Variants in UPF2 observed in about 807,000 individuals in gnomAD.
UPF2 encodes the protein regulator of nonsense transcripts 2.
Under a neutral mutation model 141.4 loss-of-function variants are expected in UPF2, and 17 were observed. The observed-to-expected ratio is 0.12, with a 90% CI of 0.08 to 0.18. The LOEUF (loss-of-function observed/expected upper bound fraction) is 0.18, where lower values mean the gene tolerates loss of function less well. UPF2 is among the 10% of genes least tolerant of loss of function. The probability of loss-of-function intolerance (pLI) is 1.00; values close to 1 mark genes in which losing one functional copy is unlikely to be tolerated. For synonymous variants in UPF2, 540 were observed against 498.0 expected (o/e 1.08, Z -1.12); for missense variants, 1,152 against 1,515.9 (o/e 0.76, Z 3.99).
intron 18 of UPF2, among the ~76,000 whole-genome samples, chr10:11,938,861 T>TTTTTTTTTTTTTTTTG (rs1832893623): frequency 1.4e-5 from 1 of 73,000 alleles, no homozygotes; most frequent in African/African-American, 5.6e-5. Context: ...TTGTTTTTTT[T>TTTTTTTTTTTTTTTTG]TTTTTTTTTT....
Position 11,963,950 on chromosome 10 carries a change from C to G in UPF2, c.2184+59G>C, listed in dbSNP as rs753226912. 108 of 1,252,260 alleles carry G rather than the reference C, an allele frequency of 8.6e-5. 1 individual carries two copies. The East Asian group carries it at 2.0e-3, about 24-fold the overall frequency. The allele number at this position is 1,252,260 out of a possible 1,614,324, so 77.6% of individuals were successfully genotyped here. A position where few individuals can be genotyped will look rare whatever the true frequency, so the allele number is the denominator to read the frequency against. The stretch of plus-strand genomic sequence containing the variant: ...ACCAGCACTGGTCAATATTTTCAAC[C>G]TCTGAAGCACAGGTAAATCAAGAAC... On this transcript the variant is annotated intron_variant, in intron 11 of 21. Coordinates refer to ENST00000357604, the MANE Select transcript of UPF2 (RefSeq NM_015542.4).
At chr10:11,934,801 G>C (rs977450214) in intron 19 of UPF2, among the ~76,000 whole-genome samples, 1 of 152,094 alleles carries the variant, frequency 6.6e-6, no homozygotes, top group Non-Finnish European at 1.5e-5. Flanking sequence ...TGTTGGTCAG[G>C]CTGGTCTTGA....
intron 9 of UPF2, among the ~76,000 whole-genome samples, chr10:11,970,921 G>A (rs1221773324): frequency 6.6e-6 from 1 of 151,974 alleles, no homozygotes; most frequent in Non-Finnish European, 1.5e-5. Context: ...CTCCTTGGAT[G>A]ACGTTGGATG....
chr10:11,942,543 A>T, intron 18 of UPF2, 122 bp downstream of exon 18: 1 of 792,322 alleles, frequency 1.3e-6, no homozygotes, highest in Non-Finnish European at 2.0e-6. Context: ...TCTACACATG[A>T]TCTAGCAAAA....
At chr10:11,964,274 G>T in intron 10 of UPF2, 149 bp from the exon 11 acceptor site, 1 of 455,084 alleles carries the variant, frequency 2.2e-6, no homozygotes, top group South Asian at 5.3e-5. Flanking sequence ...CATCTTTTGT[G>T]TTCTGCCATT....
intron 9 of UPF2, among the ~76,000 whole-genome samples, chr10:11,971,411 T>A (rs1239553670): frequency 6.6e-6 from 1 of 152,148 alleles, no homozygotes; most frequent in East Asian, 1.9e-4. Flanking sequence ...TACGCCACCA[T>A]GCCTGGCTAA....
intron 4 of UPF2, among the ~76,000 whole-genome samples, chr10:12,008,684 T>C (rs1380997440): frequency 6.7e-6 from 1 of 148,430 alleles, no homozygotes; most frequent in Non-Finnish European, 1.5e-5. Flanking sequence ...TAGTGGCATG[T>C]AAATTTTTTT....
rs373474339 is a variant in UPF2, at chr10:11,979,113, T to C, written c.1897A>G (p.Met633Val). 6.8e-6 allele frequency: 11 copies of C among 1,613,522 alleles called. No homozygotes were observed. The highest frequency in any genetic ancestry group is 4.2e-6 in the Non-Finnish European group (5 of 1,179,736). The change falls in exon 9 of 22, where the codon ATG (methionine) becomes GTG (valine). Residue 633 changes from methionine (M) to valine (V), a missense_variant. This residue lies in a region of UPF2 where 739 missense variants were observed against 1,032.2 expected (regional missense o/e 0.72). Transcript: ENST00000357604. The surrounding 1 kb of genome is among the most constrained non-coding windows in gnomAD (Gnocchi z 6.2). ...CAAAGATCCTCTGCTACATCAGACA[T>C]GCAGGGATGCAATGTAGCAACCAAT... ...ARLVATLHPC[M>V]SDVAEDLCSM...
chr10:11,943,229 G>A (rs1832958626), intron 16 of UPF2, 61 bp from the exon 17 acceptor site: 5 of 1,300,690 alleles, frequency 3.8e-6, no homozygotes, highest in Non-Finnish European at 5.4e-6. Flanking sequence ...TATTTTACAT[G>A]CCTTAAAAAG....
At chr10:11,964,522 G>A (rs1274447297) in intron 10 of UPF2, among the ~76,000 whole-genome samples, 1 of 152,036 alleles carries the variant, frequency 6.6e-6, no homozygotes, top group Non-Finnish European at 1.5e-5. Flanking sequence ...CCTATCACTA[G>A]GACATTTTAG....
At chr10:11,960,884 G>A (rs1280049054) in intron 11 of UPF2, among the ~76,000 whole-genome samples, 1 of 152,124 alleles carries the variant, frequency 6.6e-6, no homozygotes, top group Non-Finnish European at 1.5e-5. Context: ...TTGAGGCCGG[G>A]AGTTCGAGAG....
intron 4 of UPF2, among the ~76,000 whole-genome samples, chr10:12,006,009 A>T (rs1478288028): frequency 1.3e-5 from 2 of 152,026 alleles, no homozygotes; most frequent in Non-Finnish European, 2.9e-5. Context: ...CCTCCTGAGT[A>T]GCTGGGACTA....
At chr10:12,039,211 AG>A (rs1045840308) in intron 1 of UPF2, among the ~76,000 whole-genome samples, 3 of 152,308 alleles carry the variant, frequency 2.0e-5, no homozygotes, top group Admixed American at 6.5e-5. Flanking sequence ...GACTTGACCA[AG>A]TAACTTGACC....
Position 11,953,343 on chromosome 10 carries a change from G to T in UPF2, c.2851-1094C>A, listed in dbSNP as rs146218100. The stretch of plus-strand genomic sequence containing the variant: ...AATCTGCATCTTTACAAAGTCCCCA[G>T]GGGACATGGATGCACAGGAAAGTTT... On this transcript the variant is annotated intron_variant, in intron 14 of 21. Transcript: ENST00000357604. The surrounding 1 kb of genome is among the most constrained non-coding windows in gnomAD (Gnocchi z 5.0). Among the ~76,000 whole-genome samples, 3 of 152,144 alleles carry T rather than the reference G, an allele frequency of 2.0e-5. No individual in the cohort carries two copies. Among genetic ancestry groups the T allele is most frequent in the Non-Finnish European group, 4.4e-5 (3 of 68,016 alleles).
In UPF2 at chr10:12,042,615, A is replaced by G. The variant is rs1028630644; in HGVS notation, c.-19+140T>C. 1 of 152,004 alleles carries G rather than the reference A, an allele frequency of 6.6e-6. No homozygotes were observed. Among genetic ancestry groups the G allele is most frequent in the Non-Finnish European group, 1.5e-5 (1 of 68,122 alleles). 9.4% of individuals were successfully genotyped at this position (152,004 alleles called of 1,614,324 possible). On this transcript the variant is annotated intron_variant, in intron 1 of 21. Transcript: ENST00000357604. This position sits in a 1 kb window ranked among gnomAD's most constrained non-coding sequence, Gnocchi z 5.5. The stretch of plus-strand genomic sequence containing the variant: ...ACGACGCCGGACCCGCGGTCCCTCC[A>G]CTGCTCGCCGACCCCGGAGAGCTGG...
At chr10:11,954,952 T>C (rs563299444) in intron 14 of UPF2, among the ~76,000 whole-genome samples, 1 of 152,012 alleles carries the variant, frequency 6.6e-6, no homozygotes, top group African/African-American at 2.4e-5. Context: ...TCACGGTCCA[T>C]AAATTACTGA....
At chr10:11,985,462 CCT>C (rs2131239065) in intron 8 of UPF2, among the ~76,000 whole-genome samples, 1 of 151,960 alleles carries the variant, frequency 6.6e-6, no homozygotes, top group African/African-American at 2.4e-5. Flanking sequence ...ACGGTGAAAC[CCT>C]GTCTCTACTA....
At chr10:12,040,948 T>C (rs1162476215) in intron 1 of UPF2, among the ~76,000 whole-genome samples, 3 of 152,176 alleles carry the variant, frequency 2.0e-5, no homozygotes, top group Admixed American at 6.6e-5. Context: ...TATCCTCAAT[T>C]TTTACATTCC....
chr10:11,920,027 TACA>T lies in UPF2; in HGVS notation c.*1268_*1270del, dbSNP rs1321556575. 1 of 152,208 alleles carries T rather than the reference TACA, an allele frequency of 6.6e-6. No individual in the cohort carries two copies. Among genetic ancestry groups the T allele is most frequent in the Admixed American group, 6.5e-5 (1 of 15,282 alleles). The allele number at this position is 152,208 out of a possible 1,614,324, so 9.4% of individuals were successfully genotyped here. On this transcript the variant is annotated 3_prime_UTR_variant, in exon 22 of 22. Transcript: ENST00000357604. ...AAACAACACCACGCCAAATCTAAAT[TACA>T]ACACTTTATTGCAGCATCGGCAAAG...
Sources: allele counts gnomAD v4.1 joint callset (sites outside exome capture counted in the v4.1 genomes callset), GRCh38; gene constraint gnomAD v4.1.1; regional missense constraint gnomAD v4.1.1; non-coding constraint Gnocchi (gnomAD v3.1); transcripts MANE v1.5; gene names NCBI Gene and HGNC (gene_info 2026-07-23, HGNC 2026-07-21).